MTAP: variants seen among roughly 807,000 people sequenced by gnomAD.
MTAP encodes methylthioadenosine phosphorylase, also known as S-methyl-5'-thioadenosine phosphorylase.
Under a neutral mutation model 33.6 loss-of-function variants are expected in MTAP, and 33 were observed. The observed-to-expected ratio is 0.98, with a 90% CI of 0.74 to 1.31. The LOEUF (loss-of-function observed/expected upper bound fraction) is 1.31, where lower values mean the gene tolerates loss of function less well. Ranked by LOEUF, MTAP falls within the 40% of genes most tolerant of loss-of-function variation. The pLI is 0.00. For synonymous variants in MTAP, 148 were observed against 125.7 expected, an observed-to-expected ratio of 1.18 and a Z score of -1.19; for missense variants, 367 against 360.0, an observed-to-expected ratio of 1.02 and a Z score of -0.16.
At chr9:21,886,911 G>A (rs1818120707) in intron 1 of MTAP, among the ~76,000 whole-genome samples, 1 of 152,046 alleles carries the variant, frequency 6.6e-6, no homozygotes, top group Non-Finnish European at 1.5e-5. Flanking sequence ...GTCTTGCTTT[G>A]GCTATGTGGG....
At chr9:21,897,417 A>T (rs1016425840) in intron 1 of MTAP, among the ~76,000 whole-genome samples, 18 of 152,366 alleles carry the variant, frequency 1.2e-4, no homozygotes, top group Admixed American at 1.2e-3. Context: ...AGGGTATCCA[A>T]TGAGGAAAAG....
At chr9:21,836,683 G>A (rs1825115875) in intron 4 of MTAP, among the ~76,000 whole-genome samples, 1 of 152,190 alleles carries the variant, frequency 6.6e-6, no homozygotes, top group Non-Finnish European at 1.5e-5. Context: ...ACTCCATCTG[G>A]AATTGCTTTG....
chr9:21,889,935 A>G (rs1173862376), intron 1 of MTAP, among the ~76,000 whole-genome samples: 1 of 152,180 alleles, frequency 6.6e-6, no homozygotes, highest in African/African-American at 2.4e-5. Context: ...ATTAGCTGAT[A>G]CAAGCTTGCC....
At chr9:21,911,509 G>C (rs199979322) in intron 1 of MTAP, among the ~76,000 whole-genome samples, 1 of 152,116 alleles carries the variant, frequency 6.6e-6, no homozygotes, top group Non-Finnish European at 1.5e-5. Flanking sequence ...GTAAACTGAA[G>C]AACCTGCTCC....
At chr9:21,895,522 C>G (rs1818275353) in intron 1 of MTAP, among the ~76,000 whole-genome samples, 1 of 152,204 alleles carries the variant, frequency 6.6e-6, no homozygotes, top group Admixed American at 6.5e-5. Context: ...CATCACCTCA[C>G]CCGGGAAATG....
At chr9:21,918,680 G>A (rs567253076) in intron 1 of MTAP, among the ~76,000 whole-genome samples, 4 of 152,236 alleles carry the variant, frequency 2.6e-5, no homozygotes, top group African/African-American at 9.6e-5. Context: ...CATGGAGGTG[G>A]GTCTTTCTCG....
exon 2 of MTAP, chr9:21,931,089 G>C: frequency 1.3e-6 from 1 of 764,100 alleles, no homozygotes; most frequent in Non-Finnish European, 2.4e-6. Flanking sequence ...AGGACTCCTA[G>C]ACTTCCCATC....
chr9:21,833,493 G>A (rs1160498602), intron 4 of MTAP, among the ~76,000 whole-genome samples: 1 of 152,174 alleles, frequency 6.6e-6, no homozygotes, highest in African/African-American at 2.4e-5. Context: ...TGGTTATAGA[G>A]ACAGAATTGT....
chr9:21,882,632 C>G, intron 1 of MTAP, among the ~76,000 whole-genome samples: 1 of 151,860 alleles, frequency 6.6e-6, no homozygotes, highest in East Asian at 1.9e-4. Flanking sequence ...AATTATCAAA[C>G]TTGATTAAGT....
intron 1 of MTAP, among the ~76,000 whole-genome samples, chr9:21,807,186 C>A (rs181891467): frequency 2.2e-4 from 34 of 152,204 alleles, no homozygotes; most frequent in African/African-American, 8.2e-4. Flanking sequence ...ATAATAACAA[C>A]AACTTGTTAA....
intron 1 of MTAP, among the ~76,000 whole-genome samples, chr9:21,920,766 C>T (rs1192781247): frequency 6.6e-6 from 1 of 152,008 alleles, no homozygotes; most frequent in African/African-American, 2.4e-5. Context: ...TGGATAAATC[C>T]CACTTGATCA....
intron 1 of MTAP, among the ~76,000 whole-genome samples, chr9:21,919,180 G>C (rs1818744105): frequency 6.6e-6 from 1 of 152,160 alleles, no homozygotes; most frequent in Non-Finnish European, 1.5e-5. Flanking sequence ...ATTGGAGACA[G>C]CAATTACAGA....
At chr9:21,889,896 T>C (rs961858488) in intron 1 of MTAP, among the ~76,000 whole-genome samples, 2 of 152,208 alleles carry the variant, frequency 1.3e-5, no homozygotes, top group African/African-American at 4.8e-5. Flanking sequence ...AGTTGACCTT[T>C]AGCCAGAAGG....
intron 1 of MTAP, among the ~76,000 whole-genome samples, chr9:21,878,536 A>T (rs1292087850): frequency 2.6e-5 from 4 of 152,038 alleles, no homozygotes; most frequent in Non-Finnish European, 5.9e-5. Flanking sequence ...TAATTTTTGT[A>T]TTTTGGGTAG....
In MTAP at chr9:21,822,536, T is replaced by A. The variant is rs534969195; in HGVS notation, c.347+4334T>A. ...CTGTTCTTTTACATTTGCTGAGGAG[T>A]GCTTTACTTCCAACTATGTGGTCAA... On this transcript the variant is annotated intron_variant, in intron 4 of 7. Coordinates refer to ENST00000644715, the MANE Select transcript of MTAP (RefSeq NM_002451.4). Among the ~76,000 whole-genome samples, 283 of 151,878 alleles carry A rather than the reference T, an allele frequency of 1.9e-3. 1 individual carries two copies. Among genetic ancestry groups the A allele is most frequent in the African/African-American group, 6.6e-3 (273 of 41,410 alleles).
chr9:21,820,627 G>T (rs1484545228), intron 4 of MTAP, among the ~76,000 whole-genome samples: 3 of 151,760 alleles, frequency 2.0e-5, no homozygotes, highest in Admixed American at 2.0e-4. Flanking sequence ...AATGTTCATG[G>T]TTCCATATGA....
chr9:21,915,751 C>G (rs1281532456), intron 1 of MTAP, among the ~76,000 whole-genome samples: 1 of 151,960 alleles, frequency 6.6e-6, no homozygotes, highest in Non-Finnish European at 1.5e-5. Flanking sequence ...GCGGAGCAGC[C>G]CAGCATGGCA....
chr9:21,811,704 C>A, intron 1 of MTAP: 10 of 531,934 alleles, frequency 1.9e-5, no homozygotes, highest in South Asian at 1.4e-4. Flanking sequence ...GACACCAGGT[C>A]GTTCATGTTG....
At chr9:21,867,281 A>G (rs533445411), downstream of MTAP, among the ~76,000 whole-genome samples, 2 of 152,236 alleles carry the variant, frequency 1.3e-5, no homozygotes, top group Admixed American at 6.5e-5. Flanking sequence ...GATAGCGTCT[A>G]GTTTTTCACT....
Sources: gnomAD v4.1 joint callset for allele counts (sites outside exome capture counted in the v4.1 genomes callset) on GRCh38, gnomAD v4.1.1 for gene constraint, MANE v1.5 for transcripts, NCBI Gene and HGNC (gene_info 2026-07-23, HGNC 2026-07-21) for gene names.